LRRTM4: variants seen among roughly 807,000 people sequenced by gnomAD.
LRRTM4 encodes the protein leucine rich repeat transmembrane neuronal 4.
A neutral mutation model predicts 47.6 loss-of-function variants in LRRTM4; 25 were observed. The ratio of observed to expected loss-of-function variants is 0.53; its 90% confidence interval spans 0.38 to 0.73. The LOEUF (loss-of-function observed/expected upper bound fraction) is 0.73. Among genes scored for constraint, LRRTM4 ranks in the 30% least tolerant of loss-of-function variants. LRRTM4 has a pLI of 0.00. For synonymous variants in LRRTM4, 311 were observed against 269.5 expected (o/e 1.15, Z -1.51); for missense variants, 638 against 713.4 (o/e 0.89, Z 1.20).
chr2:76,780,380 C>T (rs545311351), intron 3 of LRRTM4, among the ~76,000 whole-genome samples: 32 of 152,224 alleles, frequency 2.1e-4, no homozygotes, highest in African/African-American at 7.2e-4. Flanking sequence ...CCATTCTCCC[C>T]ATCACTTTCA....
intron 3 of LRRTM4, among the ~76,000 whole-genome samples, chr2:77,340,044 C>T (rs1013028853): frequency 2.0e-5 from 3 of 151,852 alleles, no homozygotes; most frequent in East Asian, 1.9e-4. Context: ...CCATGAAAAA[C>T]GTGATGTACA....
chr2:76,788,389 AAAGGCAGAGAGTGAAT>A (rs952551286), intron 3 of LRRTM4, among the ~76,000 whole-genome samples: 1 of 152,196 alleles, frequency 6.6e-6, no homozygotes, highest in African/African-American at 2.4e-5. Context: ...GAATCAAGGC[AAAGGCAGAGAGTGAAT>A]AAGCTTTCTT....
At position 77,146,315 on chromosome 2, in the gene LRRTM4, CTG is replaced by C. The variant is rs1672260308; in HGVS notation, c.1551+372001_1551+372002del. On this transcript the variant is annotated intron_variant, in intron 3 of 3. Transcript: ENST00000409884. ...TATTTACAAAAATTATTTTCTAACA[CTG>C]TATTTCCAACAATCTTAATTTCAAC... 3.3e-5 allele frequency among the ~76,000 whole-genome samples: 5 copies of C among 152,224 alleles called. No homozygotes were observed. The South Asian group carries it at 1.0e-3, about 32-fold the overall frequency.
chr2:77,278,753 T>C (rs1676432905), intron 3 of LRRTM4, among the ~76,000 whole-genome samples: 1 of 151,992 alleles, frequency 6.6e-6, no homozygotes, highest in Non-Finnish European at 1.5e-5. Flanking sequence ...GTACATTTCA[T>C]GTTAGAAAGT....
chr2:76,887,549 T>G (rs1167419796), intron 3 of LRRTM4, among the ~76,000 whole-genome samples: 1 of 150,300 alleles, frequency 6.7e-6, no homozygotes, highest in East Asian at 2.0e-4. Context: ...CCATTGAATC[T>G]CATTTTGACA....
chr2:77,282,342 A>G lies in LRRTM4; in HGVS notation c.1551+235976T>C, dbSNP rs549298381. Among the ~76,000 whole-genome samples, 132 of 152,006 alleles carry G rather than the reference A, an allele frequency of 8.7e-4. 1 individual carries two copies. In the South Asian group the frequency reaches 0.026, roughly 30 times the overall value. Reference sequence around the variant, plus strand: ...ATCATTTATAGGAACCTTTTGGCAGAGTCTTTAGGGTTTTCTGGGCATAGA... The same window carrying G: ...ATCATTTATAGGAACCTTTTGGCAGGGTCTTTAGGGTTTTCTGGGCATAGA... On this transcript the variant is annotated intron_variant, in intron 3 of 3. Coordinates refer to ENST00000409884, the MANE Select transcript of LRRTM4 (RefSeq NM_001134745.3).
At chr2:77,291,913 A>T (rs1676834127) in intron 3 of LRRTM4, among the ~76,000 whole-genome samples, 1 of 152,058 alleles carries the variant, frequency 6.6e-6, no homozygotes, top group Admixed American at 6.5e-5. Context: ...CAGGCAACCT[A>T]CAAAATGGGA....
At chr2:76,871,170 T>C (rs1672612299) in intron 3 of LRRTM4, among the ~76,000 whole-genome samples, 1 of 152,190 alleles carries the variant, frequency 6.6e-6, no homozygotes, top group African/African-American at 2.4e-5. Context: ...TTTCCATACA[T>C]ATAGAGATGC....
At chr2:77,263,258 C>A (rs544032030) in intron 3 of LRRTM4, among the ~76,000 whole-genome samples, 2 of 152,084 alleles carry the variant, frequency 1.3e-5, no homozygotes, top group Admixed American at 6.6e-5. Context: ...TTGTCCCCTG[C>A]ATCTCTCCCA....
intron 3 of LRRTM4, among the ~76,000 whole-genome samples, chr2:77,348,176 A>G (rs1671636930): frequency 1.3e-5 from 2 of 151,968 alleles, no homozygotes; most frequent in African/African-American, 2.4e-5. Flanking sequence ...TTTGACCTGT[A>G]TGCTCATTTA....
At chr2:77,520,712 A>T (rs1679454011) in intron 2 of LRRTM4, among the ~76,000 whole-genome samples, 1 of 152,146 alleles carries the variant, frequency 6.6e-6, no homozygotes, top group Non-Finnish European at 1.5e-5. Flanking sequence ...GGAAAGAAGC[A>T]GCCAACTACT....
chr2:76,929,273 T>C (rs1674690000), intron 3 of LRRTM4, among the ~76,000 whole-genome samples: 1 of 152,120 alleles, frequency 6.6e-6, no homozygotes, highest in Non-Finnish European at 1.5e-5. Flanking sequence ...ATTAAACAGC[T>C]AGATGTTTCG....
At chr2:76,838,638 T>C (rs927070529) in intron 3 of LRRTM4, among the ~76,000 whole-genome samples, 2 of 152,082 alleles carry the variant, frequency 1.3e-5, no homozygotes, top group Non-Finnish European at 2.9e-5. Flanking sequence ...TAACACTTAC[T>C]GTGTTCTGAA....
At chr2:77,186,142 A>G (rs1673499299) in intron 3 of LRRTM4, among the ~76,000 whole-genome samples, 1 of 152,178 alleles carries the variant, frequency 6.6e-6, no homozygotes, top group Non-Finnish European at 1.5e-5. Context: ...CTATCAAACT[A>G]GTTCTCAGGA....
At chr2:77,166,446 AAAAAACTACTTT>A (rs1304566167) in intron 3 of LRRTM4, among the ~76,000 whole-genome samples, 1 of 152,188 alleles carries the variant, frequency 6.6e-6, no homozygotes, top group African/African-American at 2.4e-5. Context: ...ACAGAGTTGG[AAAAAACTACTTT>A]AAAGTTCATA....
At chr2:76,763,606 CAT>C (rs1673343167) in intron 3 of LRRTM4, among the ~76,000 whole-genome samples, 1 of 152,188 alleles carries the variant, frequency 6.6e-6, no homozygotes, top group African/African-American at 2.4e-5. Context: ...ACGATCCAAA[CAT>C]ATGAATAGAG....
At chr2:76,807,461 T>TATATATATACATATATATATATATACAC (rs1670548747) in intron 3 of LRRTM4, among the ~76,000 whole-genome samples, 1 of 100,580 alleles carries the variant, frequency 9.9e-6, no homozygotes, top group Admixed American at 1.2e-4. Context: ...TATATATACA[T>TATATATATACATATATATATATATACAC]ATATATATAC....
At chr2:77,094,963 C>T (rs1670767049) in intron 3 of LRRTM4, among the ~76,000 whole-genome samples, 1 of 152,000 alleles carries the variant, frequency 6.6e-6, no homozygotes, top group African/African-American at 2.4e-5. Flanking sequence ...TTCTGTAAAG[C>T]AAAACAATTA....
chr2:77,476,293 C>A (rs1398477162), intron 3 of LRRTM4, among the ~76,000 whole-genome samples: 1 of 152,040 alleles, frequency 6.6e-6, no homozygotes, highest in South Asian at 2.1e-4. Context: ...TACCTTAATA[C>A]TTTCTAGTTG....
Sources: allele counts gnomAD v4.1 joint callset (sites outside exome capture counted in the v4.1 genomes callset), GRCh38; gene constraint gnomAD v4.1.1; transcripts MANE v1.5; gene names NCBI Gene and HGNC (gene_info 2026-07-23, HGNC 2026-07-21).